NUMB: variants seen among roughly 807,000 people sequenced by gnomAD.
NUMB encodes the protein protein numb homolog.
NUMB carries 29 observed loss-of-function variants against 59.7 expected under a neutral mutation model. The ratio of observed to expected loss-of-function variants is 0.49; its 90% CI spans 0.36 to 0.66. The LOEUF (loss-of-function observed/expected upper bound fraction) is 0.66, where lower values mean the gene tolerates loss of function less well. Ranked by LOEUF, NUMB falls within the 30% of genes least tolerant of loss-of-function variation. NUMB has a pLI of 0.00. For missense variants in NUMB, 723 were observed against 822.0 expected, an observed-to-expected ratio of 0.88 and a Z score of 1.47; for synonymous variants, 288 against 288.2, an observed-to-expected ratio of 1.00 and a Z score of 0.01.
chr14:73,353,578 G>T (rs895291588), intron 4 of NUMB, among the ~76,000 whole-genome samples: 7 of 151,052 alleles, frequency 4.6e-5, no homozygotes, highest in Non-Finnish European at 1.0e-4. Flanking sequence ...CAGGCATGGT[G>T]GCTCAGGCCT....
intron 1 of NUMB, among the ~76,000 whole-genome samples, chr14:73,422,784 G>A (rs1406754745): frequency 6.6e-6 from 1 of 151,914 alleles, no homozygotes; most frequent in African/African-American, 2.4e-5. Flanking sequence ...AATCATTCAT[G>A]AGGGATCTGC....
intron 2 of NUMB, among the ~76,000 whole-genome samples, chr14:73,383,531 C>T (rs945664020): frequency 6.6e-6 from 1 of 151,878 alleles, no homozygotes; most frequent in African/African-American, 2.4e-5. Context: ...CCAGAGGGAA[C>T]TGAAAGAATG....
chr14:73,378,039 A>G (rs867510969), intron 2 of NUMB, among the ~76,000 whole-genome samples: 1 of 142,150 alleles, frequency 7.0e-6, no homozygotes, highest in Non-Finnish European at 1.5e-5. Flanking sequence ...ACACACACAT[A>G]CCAAAAAACT....
intron 2 of NUMB, among the ~76,000 whole-genome samples, chr14:73,395,911 C>T (rs186946607): frequency 2.0e-5 from 3 of 152,272 alleles, no homozygotes; most frequent in Admixed American, 6.5e-5. Flanking sequence ...GATACAGACA[C>T]AGCTGAAAGA....
intron 2 of NUMB, among the ~76,000 whole-genome samples, chr14:73,391,289 T>C (rs1178226853): frequency 1.3e-5 from 2 of 151,094 alleles, no homozygotes; most frequent in Non-Finnish European, 3.0e-5. Context: ...TTTTCTTTTT[T>C]TTTTTTTGGA....
intron 2 of NUMB, chr14:73,409,571 A>T (rs920228329): frequency 6.6e-6 from 1 of 152,222 alleles, no homozygotes; most frequent in Admixed American, 6.5e-5. Flanking sequence ...CTACCAATCA[A>T]GCCTTGCTCA....
intron 3 of NUMB, among the ~76,000 whole-genome samples, chr14:73,364,251 G>A (rs778396764): frequency 2.8e-4 from 42 of 152,036 alleles, no homozygotes; most frequent in African/African-American, 4.6e-4. Flanking sequence ...CTGTGCCACC[G>A]TGCTGAGGTG....
At position 73,279,408 on chromosome 14, in the gene NUMB, T is replaced by C. The variant is rs778280972; in HGVS notation, c.1113A>G (p.Ser371=). The change falls in exon 12 of 13, where the codon TCA becomes TCG. Residue 371 remains serine, a synonymous_variant. Coordinates refer to ENST00000555238, the MANE Select transcript of NUMB (RefSeq NM_001005743.2). The part of the protein sequence containing the change: ...SPTFQANGTD[S]AFHVLAKPAH... ...CTGGCTTAGCAAGCACATGGAAGGC[T>C]GAGTCAGTGCCATTAGCTACAACGG... 6.9e-6 allele frequency: 11 copies of C among 1,592,284 alleles called. No homozygotes were observed. Among genetic ancestry groups the C allele is most frequent in the East Asian group, 4.5e-5 (2 of 44,660 alleles).
intron 1 of NUMB, among the ~76,000 whole-genome samples, chr14:73,438,454 A>C (rs1882780401): frequency 6.6e-6 from 1 of 152,052 alleles, no homozygotes; most frequent in African/African-American, 2.4e-5. Flanking sequence ...AAAATGGCGA[A>C]ACCCCGTCTC....
chr14:73,447,721 C>G (rs1883628554), intron 1 of NUMB, among the ~76,000 whole-genome samples: 1 of 149,312 alleles, frequency 6.7e-6, no homozygotes. Flanking sequence ...TTTGATGTAA[C>G]ATGTTAACAT....
At chr14:73,406,340 C>A (rs555116896) in intron 2 of NUMB, among the ~76,000 whole-genome samples, 3 of 147,330 alleles carry the variant, frequency 2.0e-5, no homozygotes, top group Admixed American at 1.4e-4. Flanking sequence ...TGAGAACATG[C>A]GGTGTTTGGT....
At chr14:73,390,638 C>CTGTTTTTTTTT (rs1895796609) in intron 2 of NUMB, among the ~76,000 whole-genome samples, 1 of 39,384 alleles carries the variant, frequency 2.5e-5, no homozygotes, top group Non-Finnish European at 4.7e-5. Context: ...AAAACAAAGT[C>CTGTTTTTTTTT]TTTTTTTTTT....
At chr14:73,312,596 C>A (rs940372569) in intron 6 of NUMB, among the ~76,000 whole-genome samples, 1 of 152,044 alleles carries the variant, frequency 6.6e-6, no homozygotes, top group Admixed American at 6.6e-5. Context: ...TGCCAATAGT[C>A]CCAGCTACTC....
chr14:73,293,377 C>T (rs1407051993), intron 7 of NUMB, among the ~76,000 whole-genome samples: 8 of 149,238 alleles, frequency 5.4e-5, no homozygotes, highest in Non-Finnish European at 1.2e-4. Context: ...TGTGGAATTT[C>T]CACTCGTTTC....
chr14:73,446,441 A>G (rs1883511383), intron 1 of NUMB, among the ~76,000 whole-genome samples: 1 of 152,028 alleles, frequency 6.6e-6, no homozygotes, highest in Admixed American at 6.6e-5. Flanking sequence ...CCCCGTCTCT[A>G]CTAAAAAATA....
chr14:73,398,415 A>AGAGTGTGTGTGT (rs1438462148), intron 2 of NUMB, among the ~76,000 whole-genome samples: 71 of 118,800 alleles, frequency 6.0e-4, no homozygotes, highest in Admixed American at 5.9e-4. Context: ...AGAGAGAGAG[A>AGAGTGTGTGTGT]GTGTGTGTGT....
chr14:73,380,447 CAT>C (rs1384074517), intron 2 of NUMB, among the ~76,000 whole-genome samples: 1 of 152,132 alleles, frequency 6.6e-6, no homozygotes, highest in East Asian at 1.9e-4. Context: ...GAGATAGTTA[CAT>C]GTCACACTAA....
At chr14:73,278,173 G>T (rs1379587533) in intron 12 of NUMB, among the ~76,000 whole-genome samples, 1 of 151,922 alleles carries the variant, frequency 6.6e-6, no homozygotes, top group Non-Finnish European at 1.5e-5. Flanking sequence ...GCTGGCCTCT[G>T]CCTGGCTTCC....
intron 1 of NUMB, among the ~76,000 whole-genome samples, chr14:73,448,826 A>T (rs1462578022): frequency 6.6e-6 from 1 of 152,162 alleles, no homozygotes; most frequent in Admixed American, 6.6e-5. Context: ...GAAGAGGACC[A>T]GGTACAGTCA....
Sources: allele counts gnomAD v4.1 joint callset (sites outside exome capture counted in the v4.1 genomes callset), GRCh38; gene constraint gnomAD v4.1.1; transcripts MANE v1.5; gene names NCBI Gene and HGNC (gene_info 2026-07-23, HGNC 2026-07-21).